Variants in NBPF10 observed in about 807,000 individuals in gnomAD.
NBPF10 encodes NBPF family member NBPF10.
Under a neutral mutation model 77.9 loss-of-function variants are expected in NBPF10, and 63 were observed. The ratio of observed to expected loss-of-function variants is 0.81; its 90% CI spans 0.66 to 1.00. NBPF10 has a LOEUF of 1.00. Among genes scored for constraint, NBPF10 ranks in the 50% least tolerant of loss-of-function variants. The pLI, the probability that NBPF10 is intolerant of heterozygous loss-of-function variation, is 0.00. For synonymous variants in NBPF10, 146 were observed against 264.5 expected (o/e 0.55, Z 4.35); for missense variants, 522 against 679.8 (o/e 0.77, Z 2.58).
intron 13 of NBPF10, among the ~76,000 whole-genome samples, chr1:146,126,760 T>G (rs1340881066): frequency 7.2e-6 from 1 of 138,986 alleles, no homozygotes; most frequent in Non-Finnish European, 1.6e-5. Flanking sequence ...TAATTTTGCA[T>G]AAAATGTGCT....
chr1:146,129,377 G>T lies in NBPF10; in HGVS notation c.1638-1095C>A, dbSNP rs587652308. ...AAGCTTCAGTAGCCAATTCGATCAA[G>T]TGCAAGAAATGGTATCAGTGATTCA... On this transcript the variant is annotated intron_variant, in intron 11 of 89. Transcript: ENST00000583866. Among the ~76,000 whole-genome samples the T allele has an allele frequency of 4.6e-4, 61 of 132,852 alleles. 1 individual carries two copies. In the East Asian group the frequency reaches 0.012, roughly 27 times the overall value. 87.2% of individuals were successfully genotyped at this position (132,852 alleles called of 152,430 possible).
chr1:146,067,134 C>A, intron 89 of NBPF10, 46 bp downstream of exon 89: 2 of 630,274 alleles, frequency 3.2e-6, no homozygotes, highest in East Asian at 2.9e-5. Context: ...TCTGTTGCCT[C>A]CAGGTGTTAA....
intron 35 of NBPF10, among the ~76,000 whole-genome samples, 169 bp from the exon 36 acceptor site, chr1:146,109,283 G>A (rs1657335346): frequency 2.3e-5 from 2 of 87,496 alleles, no homozygotes; most frequent in African/African-American, 3.7e-5. Flanking sequence ...AGGGCCAAAT[G>A]GAAAAGAATG....
chr1:146,114,988 TGA>T (rs1657816058), intron 28 of NBPF10, among the ~76,000 whole-genome samples: 1 of 62,754 alleles, frequency 1.6e-5, no homozygotes, highest in African/African-American at 6.4e-5. Context: ...TCCAACGTGC[TGA>T]GAGCGGGCTC....
At chr1:146,126,739 C>T (rs1658748785) in intron 13 of NBPF10, among the ~76,000 whole-genome samples, 1 of 145,004 alleles carries the variant, frequency 6.9e-6, no homozygotes, top group Non-Finnish European at 1.5e-5. Context: ...TCATGAAAAG[C>T]ATGTCCTCAA....
intron 89 of NBPF10, among the ~76,000 whole-genome samples, chr1:146,066,816 C>T (rs1412682187): frequency 6.6e-6 from 1 of 151,780 alleles, no homozygotes; most frequent in Non-Finnish European, 1.5e-5. Flanking sequence ...AGTGAATTGG[C>T]CAGGTGACAT....
intron 88 of NBPF10, 123 bp downstream of exon 88, chr1:146,067,880 G>T: frequency 1.4e-6 from 1 of 696,594 alleles, no homozygotes. Context: ...ACCTATATGC[G>T]CCCATAGGTC....
chr1:146,069,916 A>G (rs1353327747), intron 85 of NBPF10, among the ~76,000 whole-genome samples: 2 of 108,694 alleles, frequency 1.8e-5, no homozygotes, highest in Admixed American at 9.3e-5. Flanking sequence ...AGACAGAGAC[A>G]GAGACAGAGA....
chr1:146,068,078 C>A (rs1553778543), exon 88 of NBPF10: 12 of 538,118 alleles, frequency 2.2e-5, no homozygotes, highest in Non-Finnish European at 3.8e-5. Flanking sequence ...TGGCCTAAGT[C>A]AGGCAGTTCA....
At chr1:146,125,617 C>T (rs1233244820) in intron 14 of NBPF10, 101 bp from the exon 15 acceptor site, 6 of 526,302 alleles carry the variant, frequency 1.1e-5, no homozygotes, top group African/African-American at 8.6e-5. Flanking sequence ...GGCTCCTCAG[C>T]ATGAGAATAG....
At chr1:146,129,984 A>G (rs1349765642) in intron 11 of NBPF10, among the ~76,000 whole-genome samples, 1 of 82,850 alleles carries the variant, frequency 1.2e-5, no homozygotes, top group East Asian at 2.6e-4. Context: ...ACATGTCCAC[A>G]TTGGTGTGCT....
chr1:146,067,751 T>C (rs1174846210), intron 88 of NBPF10, among the ~76,000 whole-genome samples: 10 of 150,830 alleles, frequency 6.6e-5, no homozygotes, highest in Admixed American at 2.6e-4. Context: ...TCTGCCCAGG[T>C]CCAATGTCAT....
chr1:146,069,412 C>G, intron 86 of NBPF10, 131 bp downstream of exon 86: 1 of 506,750 alleles, frequency 2.0e-6, no homozygotes, highest in Non-Finnish European at 3.4e-6. Context: ...TTTCATTCAA[C>G]CTACATATGC....
At position 146,066,678 on chromosome 1, in the gene NBPF10, T is replaced by C. The variant is rs1277324455; in HGVS notation, c.11145-117A>G. 81 of 549,282 alleles carry C rather than the reference T, an allele frequency of 1.5e-4. 2 individuals are homozygous for C. Among genetic ancestry groups the C allele is most frequent in the South Asian group, 1.3e-3 (60 of 46,302 alleles). The allele number at this position is 549,282 out of a possible 1,614,324, so 34.0% of individuals were successfully genotyped here. On this transcript the variant is annotated intron_variant, in intron 89 of 89. Coordinates refer to ENST00000583866, the Ensembl canonical transcript of NBPF10. ...TTAGAAAAGAAAAAGGATAGAACCA[T>C]TAATGAGGTAAAAAAAAAATTTATT...
In NBPF10 at chr1:146,142,713, C is replaced by G. The variant is rs782346633; in HGVS notation, c.215G>C (p.Arg72Thr). Residue 72 changes from arginine to threonine, a missense_variant, in exon 2 of 90, where the codon AGG becomes ACG. Arg to Thr is a moderately conservative substitution (Grantham distance 71, BLOSUM62 -1). Transcript: ENST00000583866. ...CTCCTCCTTGAACTGTCGCTCATTC[C>G]TCAGCATAAATTTTATGAGGTCTTT... 3 of 1,362,610 alleles carry G rather than the reference C, an allele frequency of 2.2e-6. 1 individual carries two copies. Among genetic ancestry groups the G allele is most frequent in the Non-Finnish European group, 3.0e-6 (3 of 992,540 alleles). The allele number at this position is 1,362,610 out of a possible 1,614,324, so 84.4% of individuals were successfully genotyped here.
intron 13 of NBPF10, 27 bp from the exon 14 acceptor site, chr1:146,126,435 T>G (rs782658932): frequency 2.1e-5 from 20 of 968,188 alleles, no homozygotes; most frequent in Non-Finnish European, 3.0e-5. Context: ...AAGTAAAGAA[T>G]AAGCCAGGGG....
intron 14 of NBPF10, among the ~76,000 whole-genome samples, chr1:146,125,830 A>C (rs1435410363): frequency 6.7e-6 from 1 of 149,810 alleles, no homozygotes; most frequent in Non-Finnish European, 1.5e-5. Flanking sequence ...TTGCTAGGAG[A>C]AAAACTGCAC....
At chr1:146,067,877 T>A (rs1208684855) in intron 88 of NBPF10, 126 bp downstream of exon 88, 1 of 697,268 alleles carries the variant, frequency 1.4e-6, no homozygotes, top group South Asian at 1.5e-5. Context: ...ACAACCTATA[T>A]GCGCCCATAG....
chr1:146,136,196 CCTT>C (rs1364693411), intron 7 of NBPF10, among the ~76,000 whole-genome samples, 154 bp downstream of exon 7: 1 of 151,270 alleles, frequency 6.6e-6, no homozygotes. Context: ...TTTTTACTAT[CCTT>C]CTTCTCTGAT....
Sources: gnomAD v4.1 joint callset for allele counts (sites outside exome capture counted in the v4.1 genomes callset) on GRCh38, gnomAD v4.1.1 for gene constraint, MANE v1.5 for transcripts, NCBI Gene and HGNC (gene_info 2026-07-23, HGNC 2026-07-21) for gene names.